The following ZC3HAV1 variants were observed in gnomAD, a reference collection of about 807,000 sequenced individuals.
The protein encoded by ZC3HAV1 is zinc finger CCCH-type antiviral protein 1.
A neutral mutation model predicts 86.6 loss-of-function variants in ZC3HAV1; 41 were observed. The ratio of observed to expected loss-of-function variants is 0.47; its 90% confidence interval spans 0.37 to 0.61. The LOEUF (loss-of-function observed/expected upper bound fraction) is 0.61, where lower values mean the gene tolerates loss of function less well. Among genes scored for constraint, ZC3HAV1 ranks in the 20% least tolerant of loss-of-function variants. The pLI, the probability that ZC3HAV1 is intolerant of heterozygous loss-of-function variation, is 0.00. For synonymous variants in ZC3HAV1, 421 were observed against 432.1 expected (o/e 0.97, Z 0.32); for missense variants, 964 against 1,141.1 (o/e 0.84, Z 2.24).
intron 6 of ZC3HAV1, among the ~76,000 whole-genome samples, chr7:139,075,234 G>A (rs917272546): frequency 1.3e-5 from 2 of 152,072 alleles, no homozygotes; most frequent in African/African-American, 4.8e-5. Context: ...AGCTCATGTC[G>A]CCCTCTAGTG....
chr7:139,106,193 A>G (rs2130743645), intron 1 of ZC3HAV1, among the ~76,000 whole-genome samples: 1 of 152,382 alleles, frequency 6.6e-6, no homozygotes, highest in South Asian at 2.1e-4. Flanking sequence ...AGTTTAAAAC[A>G]GTTTTGCTGT....
intron 1 of ZC3HAV1, 98 bp from the exon 2 acceptor site, chr7:139,089,857 A>G (rs1817378834): frequency 2.3e-6 from 3 of 1,316,600 alleles, no homozygotes; most frequent in Non-Finnish European, 2.0e-6. Flanking sequence ...ACCCGTGCCC[A>G]TATTCTCTGA....
At chr7:139,094,416 A>C (rs539853793) in intron 1 of ZC3HAV1, among the ~76,000 whole-genome samples, 17 of 152,002 alleles carry the variant, frequency 1.1e-4, no homozygotes, top group African/African-American at 3.9e-4. Flanking sequence ...AGGACAAAAC[A>C]AGCGTTTGCA....
chr7:139,075,131 G>C (rs1816899007), intron 6 of ZC3HAV1, among the ~76,000 whole-genome samples: 1 of 152,112 alleles, frequency 6.6e-6, no homozygotes, highest in African/African-American at 2.4e-5. Flanking sequence ...GTGCTAAACA[G>C]AATCTGGCCC....
intron 2 of ZC3HAV1, among the ~76,000 whole-genome samples, chr7:139,084,537 T>A (rs538157659): frequency 6.6e-6 from 1 of 152,286 alleles, no homozygotes; most frequent in South Asian, 2.1e-4. Flanking sequence ...AGAGATGTAG[T>A]CCCTACTGGA....
At chr7:139,060,842 G>A (rs997620188) in intron 9 of ZC3HAV1, 194 bp downstream of exon 9, 11 of 1,486,132 alleles carry the variant, frequency 7.4e-6, no homozygotes, top group African/African-American at 5.7e-5. Context: ...TTCATTTTCC[G>A]ATCTAGTATC....
At chr7:139,048,281 C>A (rs1816019523) in intron 12 of ZC3HAV1, among the ~76,000 whole-genome samples, 1 of 152,270 alleles carries the variant, frequency 6.6e-6, no homozygotes, top group South Asian at 2.1e-4. Context: ...CAATTTCCTG[C>A]CAAGTTAAAA....
chr7:139,057,308 T>G (rs895285720), intron 9 of ZC3HAV1, among the ~76,000 whole-genome samples: 1 of 108,318 alleles, frequency 9.2e-6, no homozygotes, highest in Non-Finnish European at 2.1e-5. Context: ...CAGTGAGCCA[T>G]GATCACACCA....
chr7:139,053,649 C>G (rs1816200606), intron 11 of ZC3HAV1, 68 bp from the exon 12 acceptor site: 1 of 1,491,128 alleles, frequency 6.7e-7, no homozygotes, highest in Non-Finnish European at 8.9e-7. Context: ...AACATTAATC[C>G]CAGCTAAAGT....
At chr7:139,080,371 C>T (rs1334341803) in intron 3 of ZC3HAV1, 128 bp from the exon 4 acceptor site, 6 of 1,153,380 alleles carry the variant, frequency 5.2e-6, no homozygotes, top group Non-Finnish European at 7.4e-6. Flanking sequence ...AATTACTTGG[C>T]GTAATCTGAT....
intron 12 of ZC3HAV1, among the ~76,000 whole-genome samples, chr7:139,052,783 G>T (rs1031609494): frequency 6.6e-6 from 1 of 150,852 alleles, no homozygotes; most frequent in Non-Finnish European, 1.5e-5. Flanking sequence ...AAAAAAATTA[G>T]CTGGATGTGG....
chr7:139,065,603 C>G lies in ZC3HAV1; in HGVS notation c.1873-604G>C, dbSNP rs373919365. ...CACTTGGATTTGCCACTAACTGGAGCTATAATGAAAGGGATGAGGTGGCCG... is the reference window on the plus strand; with the variant it reads ...CACTTGGATTTGCCACTAACTGGAGGTATAATGAAAGGGATGAGGTGGCCG... On this transcript the variant is annotated intron_variant, in intron 7 of 12. Coordinates refer to ENST00000242351, the MANE Select transcript of ZC3HAV1 (RefSeq NM_020119.4). 1.2e-3 allele frequency among the ~76,000 whole-genome samples: 183 copies of G among 152,264 alleles called. 2 individuals carry two copies. The highest frequency in any genetic ancestry group is 4.1e-3 in the African/African-American group (171 of 41,556).
chr7:139,088,040 A>G (rs1329105218), intron 2 of ZC3HAV1, among the ~76,000 whole-genome samples: 1 of 149,768 alleles, frequency 6.7e-6, no homozygotes, highest in East Asian at 1.9e-4. Flanking sequence ...TCAAAAAAAA[A>G]AAAAAAAAAA....
At chr7:139,090,400 A>T (rs56374747) in intron 1 of ZC3HAV1, among the ~76,000 whole-genome samples, 8,317 of 152,224 alleles carry the variant, frequency 0.055, 257 homozygotes, top group Non-Finnish European at 0.068. Flanking sequence ...TATTATTTTC[A>T]TTATAAACAT....
At chr7:139,078,436 T>C in intron 5 of ZC3HAV1, 116 bp downstream of exon 5, 1 of 747,706 alleles carries the variant, frequency 1.3e-6, no homozygotes, top group Non-Finnish European at 2.2e-6. Flanking sequence ...TGGGTATATA[T>C]CCAAAAGAAT....
intron 8 of ZC3HAV1, among the ~76,000 whole-genome samples, chr7:139,061,615 G>C (rs1338987334): frequency 1.3e-5 from 2 of 152,220 alleles, no homozygotes; most frequent in Non-Finnish European, 2.9e-5. Flanking sequence ...TACATTGCTA[G>C]TGAGAGTGTA....
chr7:139,079,387 A>G, intron 4 of ZC3HAV1, 83 bp downstream of exon 4: 3 of 1,609,434 alleles, frequency 1.9e-6, no homozygotes, highest in Non-Finnish European at 2.5e-6. Context: ...CTACATCAGT[A>G]GTTTTATCCA....
Position 139,079,768 on chromosome 7 carries a change from C to A in ZC3HAV1, c.1173G>T (p.Leu391=), listed in dbSNP as rs1346419873. ...LPAARSSLGS[L]QTPEAVTTRK... ...TGGTGGTCACAGCTTCAGGTGTTTG[C>A]AGAGAGCCAAGAGAAGAGCGGGCGG... Residue 391 remains leucine, a synonymous_variant, in exon 4 of 13, where the codon CTG becomes CTT. Coordinates refer to ENST00000242351, the MANE Select transcript of ZC3HAV1 (RefSeq NM_020119.4). 3 of 1,614,002 alleles carry A rather than the reference C, an allele frequency of 1.9e-6. No homozygotes were observed. The South Asian group carries it at 3.3e-5, about 18-fold the overall frequency.
At chr7:139,089,503 G>A (rs758208379) in intron 2 of ZC3HAV1, 121 bp downstream of exon 2, 34 of 1,280,634 alleles carry the variant, frequency 2.7e-5, no homozygotes, top group Middle Eastern at 4.6e-4. Flanking sequence ...TAACAGCCTC[G>A]ACTACCACCT....
Sources: gnomAD v4.1 joint callset for allele counts (sites outside exome capture counted in the v4.1 genomes callset) on GRCh38, gnomAD v4.1.1 for gene constraint, MANE v1.5 for transcripts, NCBI Gene and HGNC (gene_info 2026-07-23, HGNC 2026-07-21) for gene names.